The following SLMAP variants were observed in gnomAD, a reference collection of about 807,000 sequenced individuals.
SLMAP encodes the protein sarcolemma associated protein.
A neutral mutation model predicts 128.8 loss-of-function variants in SLMAP; 44 were observed. The ratio of observed to expected loss-of-function variants is 0.34; its 90% CI spans 0.27 to 0.44. SLMAP has a LOEUF of 0.44. SLMAP is among the 20% of genes least tolerant of loss of function. The pLI is 1.00. For missense variants in SLMAP, 787 were observed against 985.3 expected, an observed-to-expected ratio of 0.80 and a Z score of 2.69; for synonymous variants, 327 against 348.8, an observed-to-expected ratio of 0.94 and a Z score of 0.70.
chr3:57,861,173 AG>A (rs1291437362), intron 9 of SLMAP, among the ~76,000 whole-genome samples: 2 of 149,680 alleles, frequency 1.3e-5, no homozygotes, highest in East Asian at 2.0e-4. Context: ...CTTCTATTTG[AG>A]GGGGGTCAGT....
intron 14 of SLMAP, among the ~76,000 whole-genome samples, chr3:57,885,840 G>A (rs1446380682): frequency 1.6e-4 from 21 of 128,882 alleles, no homozygotes; most frequent in African/African-American, 6.0e-4. Flanking sequence ...CTGGAGTGCA[G>A]TGGTGCGATC....
At chr3:57,816,133 G>C (rs2091826312) in intron 2 of SLMAP, among the ~76,000 whole-genome samples, 1 of 150,822 alleles carries the variant, frequency 6.6e-6, no homozygotes, top group South Asian at 2.1e-4. Context: ...GTTTGTGTTT[G>C]TTTGTTTGTT....
At chr3:57,900,125 C>T (rs1463247018) in intron 17 of SLMAP, 1 of 152,122 alleles carries the variant, frequency 6.6e-6, no homozygotes, top group Non-Finnish European at 1.5e-5. Flanking sequence ...TATAAGTAGC[C>T]TCTTTATTTT....
chr3:57,818,707 G>A (rs2092198628), intron 2 of SLMAP, among the ~76,000 whole-genome samples: 1 of 152,148 alleles, frequency 6.6e-6, no homozygotes, highest in Non-Finnish European at 1.5e-5. Flanking sequence ...CTGGATATAA[G>A]TGATGTTACC....
chr3:57,772,888 C>T (rs1444340283), intron 2 of SLMAP, among the ~76,000 whole-genome samples: 1 of 152,164 alleles, frequency 6.6e-6, no homozygotes, highest in Non-Finnish European at 1.5e-5. Flanking sequence ...GATCCGCCCG[C>T]CTCGGCCTCC....
chr3:57,874,446 T>C (rs73088388), intron 14 of SLMAP, among the ~76,000 whole-genome samples: 17,657 of 152,052 alleles, frequency 0.12, 1,120 homozygotes, highest in South Asian at 0.16. Flanking sequence ...TTGTTATTAT[T>C]ACTGGCTTAC....
At chr3:57,821,913 TCCTC>T (rs1355774750) in intron 2 of SLMAP, among the ~76,000 whole-genome samples, 2 of 58,546 alleles carry the variant, frequency 3.4e-5, no homozygotes, top group East Asian at 2.1e-3. Flanking sequence ...CAATACCTGT[TCCTC>T]CTCCTCCTCC....
At chr3:57,844,670 TA>T (rs59620155) in intron 4 of SLMAP, among the ~76,000 whole-genome samples, 23,205 of 147,024 alleles carry the variant, frequency 0.16, 2,378 homozygotes, top group East Asian at 0.43. Context: ...AAAGGTGAAT[TA>T]AAAAAAAAAT....
rs1402710937 is a variant in SLMAP at position 57,928,508 on chromosome 3, T to G, written c.*1219T>G. The G allele has an allele frequency of 6.6e-6, 1 of 152,188 alleles. No homozygotes were observed. The highest frequency in any genetic ancestry group is 1.5e-5 in the Non-Finnish European group (1 of 68,016). The allele number at this position is 152,188 out of a possible 1,614,324, so 9.4% of individuals were successfully genotyped here. A position where few individuals can be genotyped will look rare whatever the true frequency, so the allele number is the denominator to read the frequency against. On this transcript the variant is annotated 3_prime_UTR_variant, in exon 25 of 25. Transcript: ENST00000671191. ...AGCACTATTCCCAAGATTAATAGTG[T>G]TCTATGCACAATGAAGCACCTAAAA...
At chr3:57,863,567 A>G (rs1431658532) in intron 10 of SLMAP, among the ~76,000 whole-genome samples, 1 of 152,170 alleles carries the variant, frequency 6.6e-6, no homozygotes, top group African/African-American at 2.4e-5. Context: ...CTGATGGCAG[A>G]AAGCAAAGTG....
chr3:57,871,034 C>T (rs2095469063), intron 13 of SLMAP, among the ~76,000 whole-genome samples: 1 of 152,050 alleles, frequency 6.6e-6, no homozygotes, highest in Admixed American at 6.6e-5. Flanking sequence ...ATTTACCAAG[C>T]TCTTACTTTG....
rs559627269 is a variant in SLMAP, at chr3:57,925,354, G to A, written c.2446-491G>A. 1.5e-3 allele frequency among the ~76,000 whole-genome samples: 212 copies of A among 142,320 alleles called. 1 individual carries two copies. The highest frequency in any genetic ancestry group is 5.1e-3 in the African/African-American group (196 of 38,680). The allele number at this position is 142,320 out of a possible 152,430, so 93.4% of individuals were successfully genotyped here. A position where few individuals can be genotyped will look rare whatever the true frequency, so the allele number is the denominator to read the frequency against. On this transcript the variant is annotated intron_variant, in intron 23 of 24. Coordinates refer to ENST00000671191, the MANE Select transcript of SLMAP (RefSeq NM_001377540.1). The stretch of plus-strand genomic sequence containing the variant: ...TTTCTCTTTTTTTTTTTTTTTCAAC[G>A]GAGTCTCTCTCTGTCACCCAGCTTG...
At chr3:57,830,378 T>C (rs551526113) in intron 2 of SLMAP, among the ~76,000 whole-genome samples, 10 of 152,354 alleles carry the variant, frequency 6.6e-5, no homozygotes, top group African/African-American at 2.4e-4. Flanking sequence ...TATTTTGATA[T>C]ATAGTGTATT....
intron 17 of SLMAP, among the ~76,000 whole-genome samples, chr3:57,906,310 C>CTTTTTTTCTTTTTTTTTTTTTTTTTTTT (rs2096550075): frequency 2.1e-5 from 1 of 47,048 alleles, no homozygotes; most frequent in African/African-American, 7.1e-5. Flanking sequence ...CTTTTTTTTT[C>CTTTTTTTCTTTTTTTTTTTTTTTTTTTT]TTTTTTTTTT....
At chr3:57,816,401 C>T (rs572188649) in intron 2 of SLMAP, among the ~76,000 whole-genome samples, 1 of 152,150 alleles carries the variant, frequency 6.6e-6, no homozygotes, top group African/African-American at 2.4e-5. Flanking sequence ...ACCTTGGCCT[C>T]CCAAAGTGCT....
At chr3:57,771,544 T>G (rs2080896969) in intron 2 of SLMAP, among the ~76,000 whole-genome samples, 1 of 152,132 alleles carries the variant, frequency 6.6e-6, no homozygotes, top group East Asian at 1.9e-4. Flanking sequence ...TTCTTCTTTT[T>G]TTTTAGACAG....
chr3:57,757,985 T>A, intron 2 of SLMAP, 136 bp downstream of exon 2: 2 of 701,072 alleles, frequency 2.9e-6, no homozygotes, highest in Admixed American at 4.9e-5. Flanking sequence ...ACGAATCAAC[T>A]GTTTGTGTGC....
chr3:57,868,816 AT>A (rs2095379568), intron 13 of SLMAP, among the ~76,000 whole-genome samples: 1 of 133,718 alleles, frequency 7.5e-6, no homozygotes, highest in African/African-American at 3.0e-5. Flanking sequence ...ATATATATAT[AT>A]ATATAAAATA....
chr3:57,788,179 T>C (rs1044097929), intron 2 of SLMAP, among the ~76,000 whole-genome samples: 8 of 152,192 alleles, frequency 5.3e-5, no homozygotes, highest in Admixed American at 2.6e-4. Flanking sequence ...GTGAATCATA[T>C]AGGAGAGAGG....
Sources: allele counts gnomAD v4.1 joint callset (sites outside exome capture counted in the v4.1 genomes callset), GRCh38; gene constraint gnomAD v4.1.1; transcripts MANE v1.5; gene names NCBI Gene and HGNC (gene_info 2026-07-23, HGNC 2026-07-21).